Variants in TESPA1 observed in about 807,000 individuals in gnomAD.
TESPA1 encodes protein TESPA1.
A neutral mutation model predicts 57.9 loss-of-function variants in TESPA1; 33 were observed. The observed-to-expected ratio is 0.57, with a 90% CI of 0.43 to 0.76. The LOEUF is 0.76. Among genes scored for constraint, TESPA1 ranks in the 30% least tolerant of loss-of-function variants. TESPA1 has a pLI of 0.00. For missense variants in TESPA1, 618 were observed against 632.9 expected, an observed-to-expected ratio of 0.98 and a Z score of 0.25; for synonymous variants, 227 against 228.9, an observed-to-expected ratio of 0.99 and a Z score of 0.07.
chr12:54,979,875 A>G (rs1235146482), intron 1 of TESPA1, among the ~76,000 whole-genome samples: 1 of 152,222 alleles, frequency 6.6e-6, no homozygotes, highest in Non-Finnish European at 1.5e-5. Flanking sequence ...AGTCAAAGGT[A>G]GGTAGTCATA....
intron 1 of TESPA1, among the ~76,000 whole-genome samples, chr12:54,974,910 C>T (rs1952063393): frequency 6.6e-6 from 1 of 152,142 alleles, no homozygotes; most frequent in African/African-American, 2.4e-5. Flanking sequence ...TCAGGGTAAT[C>T]GAAATGCTGT....
intron 1 of TESPA1, among the ~76,000 whole-genome samples, chr12:54,981,623 G>A (rs193241759): frequency 1.3e-5 from 2 of 152,160 alleles, no homozygotes; most frequent in Admixed American, 6.5e-5. Context: ...AGGGACCAGA[G>A]AGATTACCTA....
intron 1 of TESPA1, among the ~76,000 whole-genome samples, chr12:54,976,880 C>T (rs1565874527): frequency 6.6e-6 from 1 of 152,098 alleles, no homozygotes; most frequent in Non-Finnish European, 1.5e-5. Context: ...TCCTCTGCAT[C>T]CCCTGAAAAT....
Position 54,974,519 on chromosome 12 carries a change from C to G in TESPA1, c.44G>C (p.Arg15Pro). 6.2e-7 allele frequency: 1 copy of G among 1,600,192 alleles called. No homozygotes were observed. The highest frequency in any genetic ancestry group is 8.5e-7 in the Non-Finnish European group (1 of 1,173,304). Residue 15 changes from arginine to proline, a missense_variant, in exon 2 of 11, where the codon CGG (arginine) becomes CCG (proline). Arg to Pro is a moderately radical substitution (Grantham distance 103). This residue lies in a region of TESPA1 where 199 missense variants were observed against 184.0 expected (regional missense o/e 1.08). Transcript: ENST00000449076. ...GTTACGGCTCTGACGGAGCCAGGCC[C>G]GCCGTTTCTCCCAGGATGTGGGGCT... ...VLSPTSWEKR[R>P]AWLRQSRNWQ...
intron 1 of TESPA1, among the ~76,000 whole-genome samples, chr12:54,983,589 T>C (rs985402835): frequency 2.0e-5 from 3 of 152,192 alleles, no homozygotes; most frequent in Admixed American, 6.5e-5. Flanking sequence ...CCATTTGTGG[T>C]ATACAGAGTC....
chr12:54,968,413 T>A (rs536146601), intron 3 of TESPA1, among the ~76,000 whole-genome samples: 1 of 152,362 alleles, frequency 6.6e-6, no homozygotes, highest in African/African-American at 2.4e-5. Flanking sequence ...AGAGATATTT[T>A]AAAATTTTCA....
intron 3 of TESPA1, among the ~76,000 whole-genome samples, chr12:54,969,367 T>A (rs1357325445): frequency 6.6e-6 from 1 of 152,052 alleles, no homozygotes; most frequent in African/African-American, 2.4e-5. Context: ...GCTAATATAG[T>A]CAAGTACTAG....
In TESPA1 at chr12:54,949,348, C is replaced by T. The variant is rs1950247404; in HGVS notation, c.*1044G>A. 1 of 148,832 alleles carries T rather than the reference C, an allele frequency of 6.7e-6. No individual in the cohort carries two copies. The highest frequency in any genetic ancestry group is 2.1e-4 in the South Asian group (1 of 4,688). 9.2% of individuals were successfully genotyped at this position (148,832 alleles called of 1,614,324 possible). A position where few individuals can be genotyped will look rare whatever the true frequency, so the allele number is the denominator to read the frequency against. On this transcript the variant is annotated 3_prime_UTR_variant, in exon 11 of 11. Transcript: ENST00000449076. ...TCCTTTAAACTTTTGGTTATGATTT[C>T]CCTCAAATTCCCTCAAGTCCCTCTC... is the stretch of plus-strand genomic sequence containing the variant.
Position 54,962,479 on chromosome 12 carries a change from C to G in TESPA1, c.1419G>C (p.Leu473=), listed in dbSNP as rs1376618480. 1 of 1,612,872 alleles carries G rather than the reference C, an allele frequency of 6.2e-7. No individual in the cohort carries two copies. The highest frequency in any genetic ancestry group is 8.5e-7 in the Non-Finnish European group (1 of 1,179,882). Residue 473 remains leucine (L), a synonymous_variant, in exon 9 of 11, where the codon CTG becomes CTC. Transcript: ENST00000449076. The part of the protein sequence containing the change: ...KWKQSVDRPE[L]RRSLSQQPQD... ...GTGGCTGCTGGCTTAAAGACCGACG[C>G]AGTTCTGGTCTGTCTACACTCTGCT...
At chr12:54,953,763 G>T (rs983600734) in intron 10 of TESPA1, among the ~76,000 whole-genome samples, 1 of 151,928 alleles carries the variant, frequency 6.6e-6, no homozygotes, top group South Asian at 2.1e-4. Context: ...CTCGTGATCT[G>T]CCCGCCTCGG....
At chr12:54,967,452 C>T (rs1951518030) in intron 4 of TESPA1, among the ~76,000 whole-genome samples, 1 of 151,620 alleles carries the variant, frequency 6.6e-6, no homozygotes, top group South Asian at 2.1e-4. Flanking sequence ...AACAATCATA[C>T]ATGCATTCAC....
Position 54,963,009 on chromosome 12 carries a change from G to A in TESPA1, c.889C>T (p.Arg297Ter), listed in dbSNP as rs764857918. The A allele has an allele frequency of 9.3e-6, 15 of 1,613,656 alleles. No homozygotes were observed. Among genetic ancestry groups the A allele is most frequent in the African/African-American group, 4.0e-5 (3 of 74,852 alleles). ...ISKMCLYTCP[R>*]DRPPPPHNTP... Reference sequence around the variant, plus strand: ...TTGTGGGGTGGTGGTGGCCGGTCTCGGGGGCATGTGTACAGACACATCTTG... The same window carrying A: ...TTGTGGGGTGGTGGTGGCCGGTCTCAGGGGCATGTGTACAGACACATCTTG... The change falls in exon 9 of 11, where the codon CGA becomes TGA. Residue 297 changes from arginine (R) to a stop codon, truncating the protein, a stop_gained. Transcript: ENST00000449076. LOFTEE classifies it high-confidence loss of function.
At chr12:54,958,645 A>T (rs187971512) in intron 10 of TESPA1, among the ~76,000 whole-genome samples, 1 of 152,018 alleles carries the variant, frequency 6.6e-6, no homozygotes, top group Non-Finnish European at 1.5e-5. Context: ...TGGAATTTCC[A>T]TTATGCATAT....
rs569765618 is a variant in TESPA1 at position 54,959,126 on chromosome 12, T to C, written c.*1+2042A>G. Among the ~76,000 whole-genome samples, 3 of 152,316 alleles carry C rather than the reference T, an allele frequency of 2.0e-5. No individual in the cohort carries two copies. In the South Asian group the frequency reaches 6.2e-4, roughly 32 times the overall value. On this transcript the variant is annotated intron_variant, in intron 10 of 10. Coordinates refer to ENST00000449076, the MANE Select transcript of TESPA1 (RefSeq NM_001136030.3). Reference sequence around the variant, plus strand: ...CTTTTAGTAATGTGGTGGTAAGGTTTAGGGAGAAGGGAAGCGTTCCATGGT... The same window carrying C: ...CTTTTAGTAATGTGGTGGTAAGGTTCAGGGAGAAGGGAAGCGTTCCATGGT...
intron 3 of TESPA1, among the ~76,000 whole-genome samples, chr12:54,969,063 A>ATAGG (rs1245465072): frequency 5.1e-5 from 7 of 137,642 alleles, no homozygotes; most frequent in African/African-American, 1.9e-4. Context: ...GTGTAGATAG[A>ATAGG]TAGATATAGA....
intron 9 of TESPA1, among the ~76,000 whole-genome samples, chr12:54,961,848 G>T (rs1951098287): frequency 1.3e-5 from 2 of 152,214 alleles, no homozygotes; most frequent in Non-Finnish European, 2.9e-5. Flanking sequence ...TTGTGTAGGT[G>T]GGAGCTTGTG....
chr12:54,982,457 AAAG>A (rs1174284486), intron 1 of TESPA1, among the ~76,000 whole-genome samples: 6 of 152,224 alleles, frequency 3.9e-5, no homozygotes, highest in Non-Finnish European at 8.8e-5. Flanking sequence ...ATAAATACTG[AAAG>A]AAGACCATCT....
chr12:54,966,225 G>A (rs955031785), intron 6 of TESPA1, 74 bp from the exon 7 acceptor site: 20 of 1,561,760 alleles, frequency 1.3e-5, no homozygotes, highest in African/African-American at 6.8e-5. Context: ...ATCCCTGCTG[G>A]ACTTATTCAC....
intron 9 of TESPA1, among the ~76,000 whole-genome samples, chr12:54,961,666 A>G (rs1050570600): frequency 1.3e-5 from 2 of 152,212 alleles, no homozygotes; most frequent in Non-Finnish European, 2.9e-5. Context: ...CTAGTCCTGC[A>G]CTATTCCTTC....
Sources: gnomAD v4.1 joint callset for allele counts (sites outside exome capture counted in the v4.1 genomes callset) on GRCh38, gnomAD v4.1.1 for gene constraint, gnomAD v4.1.1 regional missense constraint, MANE v1.5 for transcripts, NCBI Gene and HGNC (gene_info 2026-07-23, HGNC 2026-07-21) for gene names.